Variants in TRPC4AP observed in about 807,000 individuals in gnomAD.
TRPC4AP encodes the protein short transient receptor potential channel 4-associated protein.
A neutral mutation model predicts 99.0 loss-of-function variants in TRPC4AP; 45 were observed. That is an observed-to-expected ratio of 0.45 (90% CI 0.36 to 0.58). The LOEUF is 0.58. Ranked by LOEUF, TRPC4AP falls within the 20% of genes least tolerant of loss-of-function variation. The pLI is 0.00. For synonymous variants in TRPC4AP, 408 were observed against 385.8 expected (o/e 1.06, Z -0.67); for missense variants, 879 against 985.3 (o/e 0.89, Z 1.44).
intron 7 of TRPC4AP, 89 bp downstream of exon 7, chr20:35,044,411 AAAAAG>A (rs1052086269): frequency 4.9e-5 from 64 of 1,302,994 alleles, no homozygotes; most frequent in African/African-American, 4.9e-4. Context: ...AAAAAAAAAA[AAAAAG>A]AAAAGAAAAG....
At chr20:35,086,549 G>GTA (rs1569158129) in intron 1 of TRPC4AP, among the ~76,000 whole-genome samples, 13,758 of 106,544 alleles carry the variant, frequency 0.13, 2,269 homozygotes, top group Middle Eastern at 0.29. Flanking sequence ...GTGTGTGTGT[G>GTA]TGTGTGTGTG....
At chr20:35,054,677 C>T (rs8117847) in intron 5 of TRPC4AP, among the ~76,000 whole-genome samples, 21,132 of 152,144 alleles carry the variant, frequency 0.14, 1,848 homozygotes, top group African/African-American at 0.25. Context: ...TTAAAGGTCA[C>T]AGTCTGCCAA....
At chr20:35,083,466 G>T (rs2084704861) in intron 1 of TRPC4AP, among the ~76,000 whole-genome samples, 1 of 151,770 alleles carries the variant, frequency 6.6e-6, no homozygotes, top group East Asian at 1.9e-4. Flanking sequence ...AAAATTAGCT[G>T]GGCGTGATGG....
intron 13 of TRPC4AP, among the ~76,000 whole-genome samples, chr20:35,007,969 G>A (rs548576795): frequency 4.6e-5 from 7 of 152,332 alleles, no homozygotes; most frequent in Admixed American, 1.3e-4. Context: ...ATGGGAGGAC[G>A]TGCAATTGAG....
intron 1 of TRPC4AP, among the ~76,000 whole-genome samples, chr20:35,085,861 T>A (rs1235696393): frequency 2.0e-5 from 3 of 152,198 alleles, no homozygotes. Flanking sequence ...TTTTATTGTT[T>A]TTAAAAATAA....
intron 8 of TRPC4AP, among the ~76,000 whole-genome samples, chr20:35,030,584 G>A (rs544737066): frequency 1.1e-4 from 17 of 152,146 alleles, no homozygotes; most frequent in Non-Finnish European, 2.1e-4. Context: ...TGAAGAGCAA[G>A]TATACATTTA....
chr20:35,017,016 T>A (rs2082771045), intron 9 of TRPC4AP, among the ~76,000 whole-genome samples: 1 of 152,182 alleles, frequency 6.6e-6, no homozygotes, highest in Non-Finnish European at 1.5e-5. Context: ...TGCAAATCCA[T>A]AATCCCTTTA....
intron 3 of TRPC4AP, among the ~76,000 whole-genome samples, chr20:35,066,262 C>A (rs2084142592): frequency 6.6e-6 from 1 of 152,190 alleles, no homozygotes; most frequent in Admixed American, 6.5e-5. Flanking sequence ...TGTGCTACCA[C>A]AATCGGCTAA....
At position 35,002,895 on chromosome 20, in the gene TRPC4AP, C is replaced by A. The variant is rs1163313383; in HGVS notation, c.*251G>T. On this transcript the variant is annotated 3_prime_UTR_variant, in exon 19 of 19. Coordinates refer to ENST00000252015, the MANE Select transcript of TRPC4AP (RefSeq NM_015638.3). ...CCTCTTACCTCTGGGTGGCCCTGGG[C>A]CCCAGGGTTCTGAAGGAAAGGTGGG... The A allele has an allele frequency of 8.8e-6, 4 of 456,346 alleles. No individual in the cohort carries two copies. The highest frequency in any genetic ancestry group is 3.9e-6 in the Non-Finnish European group (1 of 255,046). The allele number at this position is 456,346 out of a possible 1,614,324, so 28.3% of individuals were successfully genotyped here.
chr20:35,047,906 C>T (rs1269672384), intron 6 of TRPC4AP, among the ~76,000 whole-genome samples: 1 of 151,982 alleles, frequency 6.6e-6, no homozygotes, highest in African/African-American at 2.4e-5. Flanking sequence ...TAAAGCTTCC[C>T]TAGGTGCTGG....
At chr20:35,054,892 G>T (rs2083788829) in intron 5 of TRPC4AP, 84 bp downstream of exon 5, 1 of 1,206,276 alleles carries the variant, frequency 8.3e-7, no homozygotes, top group Admixed American at 1.9e-5. Flanking sequence ...TCTTATGTCT[G>T]CCATTCTACT....
chr20:35,073,250 A>C (rs1368816011), intron 2 of TRPC4AP, among the ~76,000 whole-genome samples: 1 of 152,078 alleles, frequency 6.6e-6, no homozygotes, highest in Non-Finnish European at 1.5e-5. Context: ...CTCTTTTCCT[A>C]ATTGAATACC....
intron 3 of TRPC4AP, among the ~76,000 whole-genome samples, chr20:35,067,870 G>A (rs2084185776): frequency 6.6e-6 from 1 of 152,152 alleles, no homozygotes; most frequent in African/African-American, 2.4e-5. Flanking sequence ...AGGTAGGGGA[G>A]TGCTAGATAA....
At chr20:35,068,521 A>G (rs1314762266) in intron 3 of TRPC4AP, among the ~76,000 whole-genome samples, 1 of 152,178 alleles carries the variant, frequency 6.6e-6, no homozygotes, top group African/African-American at 2.4e-5. Context: ...CAATCACACC[A>G]GGAAACACTA....
At chr20:35,066,169 T>A (rs772221657) in intron 3 of TRPC4AP, among the ~76,000 whole-genome samples, 1 of 152,056 alleles carries the variant, frequency 6.6e-6, no homozygotes, top group Non-Finnish European at 1.5e-5. Flanking sequence ...CATGGTGCGA[T>A]CTCGGCTCAC....
chr20:35,049,205 T>C (rs1416824514), intron 6 of TRPC4AP, among the ~76,000 whole-genome samples: 2 of 152,070 alleles, frequency 1.3e-5, no homozygotes, highest in Non-Finnish European at 2.9e-5. Context: ...TATTTTTGGG[T>C]ATCTGTGAAT....
intron 10 of TRPC4AP, among the ~76,000 whole-genome samples, chr20:35,014,393 CTG>C (rs2147280792): frequency 6.9e-6 from 1 of 145,130 alleles, no homozygotes; most frequent in East Asian, 2.0e-4. Flanking sequence ...TCTCAGCTCA[CTG>C]CAACCTCTGC....
chr20:35,040,089 G>A (rs968035472), intron 7 of TRPC4AP, among the ~76,000 whole-genome samples: 4 of 139,060 alleles, frequency 2.9e-5, no homozygotes, highest in African/African-American at 5.2e-5. Context: ...CCCACCCCCC[G>A]CGCCCCCACA....
intron 3 of TRPC4AP, among the ~76,000 whole-genome samples, chr20:35,067,545 T>G (rs1363347450): frequency 6.6e-6 from 1 of 152,148 alleles, no homozygotes; most frequent in Non-Finnish European, 1.5e-5. Context: ...AATGAAAACA[T>G]GTCCACAAAG....
Sources: gnomAD v4.1 joint callset for allele counts (sites outside exome capture counted in the v4.1 genomes callset) on GRCh38, gnomAD v4.1.1 for gene constraint, MANE v1.5 for transcripts, NCBI Gene and HGNC (gene_info 2026-07-23, HGNC 2026-07-21) for gene names.